The following CDH13 variants were observed in gnomAD, a reference collection of about 807,000 sequenced individuals.
CDH13 encodes the protein cadherin 13, also known as cadherin-13.
A neutral mutation model predicts 63.8 loss-of-function variants in CDH13; 24 were observed. The ratio of observed to expected loss-of-function variants is 0.38; its 90% confidence interval spans 0.27 to 0.53. The LOEUF is 0.53. Among genes scored for constraint, CDH13 ranks in the 20% least tolerant of loss-of-function variants. The probability of loss-of-function intolerance (pLI) is 0.85; values close to 1 mark genes in which losing one functional copy is unlikely to be tolerated. For missense variants in CDH13, 1,049 were observed against 903.1 expected (o/e 1.16, Z -2.07); for synonymous variants, 503 against 355.3 (o/e 1.42, Z -4.67).
chr16:83,518,450 G>A (rs1467923845), intron 7 of CDH13, among the ~76,000 whole-genome samples: 1 of 147,960 alleles, frequency 6.8e-6, no homozygotes, highest in African/African-American at 2.5e-5. Flanking sequence ...CGGCCAAGAT[G>A]TGATGGGTTT....
intron 7 of CDH13, among the ~76,000 whole-genome samples, chr16:83,589,228 T>C (rs1906479497): frequency 6.7e-6 from 1 of 148,868 alleles, no homozygotes; most frequent in Non-Finnish European, 1.5e-5. Flanking sequence ...TCTCCCTGTC[T>C]CCCCATCCCC....
intron 5 of CDH13, among the ~76,000 whole-genome samples, chr16:83,325,265 TTATC>T (rs144831001): frequency 0.1 from 15,714 of 152,124 alleles, 987 homozygotes; most frequent in Admixed American, 0.15. Context: ...TAGGGGCACC[TTATC>T]TATCTGTTGA....
At chr16:83,738,456 T>C (rs1376135169) in intron 10 of CDH13, among the ~76,000 whole-genome samples, 1 of 152,242 alleles carries the variant, frequency 6.6e-6, no homozygotes, top group African/African-American at 2.4e-5. Context: ...TCCTCCGTAT[T>C]GTCTGAATTT....
At chr16:83,659,564 A>C (rs1183538115) in intron 8 of CDH13, among the ~76,000 whole-genome samples, 1 of 152,230 alleles carries the variant, frequency 6.6e-6, no homozygotes, top group Admixed American at 6.5e-5. Flanking sequence ...GTGTTTTCAG[A>C]AATACGTATG....
chr16:83,764,729 C>T (rs1914249502), intron 11 of CDH13, among the ~76,000 whole-genome samples: 1 of 143,492 alleles, frequency 7.0e-6, no homozygotes, highest in Non-Finnish European at 1.5e-5. Flanking sequence ...ACTCTTGCAT[C>T]CTGCCTGCCT....
intron 3 of CDH13, among the ~76,000 whole-genome samples, chr16:83,081,325 A>G (rs7192118): frequency 0.069 from 10,551 of 152,164 alleles, 467 homozygotes; most frequent in African/African-American, 0.13. Flanking sequence ...TCTATATTTC[A>G]GAGGCCTACT....
At chr16:83,355,337 A>G (rs2091031762) in intron 6 of CDH13, among the ~76,000 whole-genome samples, 1 of 152,236 alleles carries the variant, frequency 6.6e-6, no homozygotes, top group Admixed American at 6.5e-5. Context: ...ATAATACTGT[A>G]AGCCTTAATA....
At chr16:83,117,397 C>T (rs1877240471) in intron 3 of CDH13, among the ~76,000 whole-genome samples, 1 of 110,962 alleles carries the variant, frequency 9.0e-6, no homozygotes, top group Non-Finnish European at 2.0e-5. Flanking sequence ...CCTCCATCTT[C>T]CACTGCCATC....
intron 2 of CDH13, among the ~76,000 whole-genome samples, chr16:82,962,759 T>C (rs1332724896): frequency 6.6e-6 from 1 of 152,202 alleles, no homozygotes; most frequent in African/African-American, 2.4e-5. Flanking sequence ...GTTTTTCAGA[T>C]CTCAAGGTGT....
intron 13 of CDH13, among the ~76,000 whole-genome samples, chr16:83,791,536 G>C: frequency 6.6e-6 from 1 of 152,028 alleles, no homozygotes; most frequent in East Asian, 1.9e-4. Flanking sequence ...TGCCTGGCTG[G>C]GTGGGGTGGC....
chr16:82,721,280 T>C (rs2032754180), intron 1 of CDH13, among the ~76,000 whole-genome samples: 1 of 152,132 alleles, frequency 6.6e-6, no homozygotes, highest in Non-Finnish European at 1.5e-5. Flanking sequence ...CATATTGCAA[T>C]GTACCATGAT....
intron 4 of CDH13, among the ~76,000 whole-genome samples, chr16:83,199,607 G>A (rs1452985075): frequency 6.6e-6 from 1 of 152,194 alleles, no homozygotes; most frequent in Non-Finnish European, 1.5e-5. Flanking sequence ...TACCTAGGAT[G>A]CCACTTGAAA....
At chr16:83,504,980 G>C (rs143727076) in intron 7 of CDH13, among the ~76,000 whole-genome samples, 1 of 152,044 alleles carries the variant, frequency 6.6e-6, no homozygotes, top group African/African-American at 2.4e-5. Flanking sequence ...TGTAAAAATG[G>C]TTAAGAGGAG....
chr16:83,227,722 G>A (rs1347322248), intron 5 of CDH13, among the ~76,000 whole-genome samples: 1 of 152,198 alleles, frequency 6.6e-6, no homozygotes, highest in Non-Finnish European at 1.5e-5. Flanking sequence ...GTCTAGAGAA[G>A]TGGAGGAAAA....
chr16:82,735,472 G>A (rs2033626423), intron 1 of CDH13, among the ~76,000 whole-genome samples: 1 of 152,220 alleles, frequency 6.6e-6, no homozygotes, highest in Non-Finnish European at 1.5e-5. Context: ...TCATGAACTA[G>A]AGTATCGCCT....
chr16:82,773,160 CA>C (rs2035339777), intron 1 of CDH13, among the ~76,000 whole-genome samples: 1 of 152,188 alleles, frequency 6.6e-6, no homozygotes, highest in Non-Finnish European at 1.5e-5. Flanking sequence ...AAAGGCAGAG[CA>C]AACCTGGGAC....
chr16:82,721,832 G>A (rs1597403357), intron 1 of CDH13, among the ~76,000 whole-genome samples: 1 of 152,278 alleles, frequency 6.6e-6, no homozygotes, highest in East Asian at 1.9e-4. Context: ...AGAGAGGGCA[G>A]GGAGGAGAGT....
intron 6 of CDH13, among the ~76,000 whole-genome samples, chr16:83,470,385 A>G (rs2073424043): frequency 6.6e-6 from 1 of 152,066 alleles, no homozygotes; most frequent in Admixed American, 6.5e-5. Context: ...TCATGGCACC[A>G]TCCCTTTGGC....
At chr16:82,944,334 T>C (rs1223930770) in intron 2 of CDH13, among the ~76,000 whole-genome samples, 2 of 152,150 alleles carry the variant, frequency 1.3e-5, no homozygotes, top group Non-Finnish European at 2.9e-5. Flanking sequence ...ACTCAACGTG[T>C]TTACCGATAC....
Sources: gnomAD v4.1 joint callset for allele counts (sites outside exome capture counted in the v4.1 genomes callset) on GRCh38, gnomAD v4.1.1 for gene constraint, MANE v1.5 for transcripts, NCBI Gene and HGNC (gene_info 2026-07-23, HGNC 2026-07-21) for gene names.